Variants in ULK4 observed in about 807,000 individuals in gnomAD.
ULK4 encodes the protein inactive serine/threonine-protein kinase ULK4.
A neutral mutation model predicts 160.6 loss-of-function variants in ULK4; 133 were observed. That is an observed-to-expected ratio of 0.83 (90% CI 0.72 to 0.96). ULK4 has a LOEUF of 0.96. ULK4 is among the 40% of genes least tolerant of loss of function. The pLI, the probability that ULK4 is intolerant of heterozygous loss-of-function variation, is 0.00. For synonymous variants in ULK4, 534 were observed against 539.8 expected (o/e 0.99, Z 0.15); for missense variants, 1,580 against 1,499.5 (o/e 1.05, Z -0.89).
chr3:41,729,044 C>A (rs911750304), intron 22 of ULK4, among the ~76,000 whole-genome samples: 1 of 151,980 alleles, frequency 6.6e-6, no homozygotes, highest in Non-Finnish European at 1.5e-5. Context: ...AAAAAAAGAC[C>A]AAAACAATGA....
At chr3:41,323,915 C>T (rs1310730878) in intron 35 of ULK4, among the ~76,000 whole-genome samples, 4 of 152,066 alleles carry the variant, frequency 2.6e-5, no homozygotes, top group African/African-American at 9.7e-5. Context: ...CAGTTACTTC[C>T]CTGGGTTCAT....
intron 14 of ULK4, among the ~76,000 whole-genome samples, chr3:41,897,613 T>C (rs1698205934): frequency 1.3e-5 from 2 of 152,154 alleles, no homozygotes; most frequent in Admixed American, 6.5e-5. Flanking sequence ...AAATAGTATT[T>C]CCAGGTGATA....
chr3:41,519,272 T>G (rs1037492841), intron 32 of ULK4, among the ~76,000 whole-genome samples: 1 of 152,184 alleles, frequency 6.6e-6, no homozygotes, highest in African/African-American at 2.4e-5. Flanking sequence ...ACCTCCTCTG[T>G]GCCTCACAGG....
chr3:41,938,153 A>C lies in ULK4; in HGVS notation c.183T>G (p.Phe61Leu), dbSNP rs1699839103. ...GGTTGCTTGTTTCATACCATTCATGAAAAGTTACAATATTCTTGTGTTTTA... is the reference window on the plus strand; with the variant it reads ...GGTTGCTTGTTTCATACCATTCATGCAAAGTTACAATATTCTTGTGTTTTA... ...REIKHKNIVT[F>L]HEWYETSNHL... Residue 61 changes from phenylalanine to leucine, a missense_variant, in exon 3 of 37, where the codon TTT (phenylalanine) becomes TTG (leucine). By Grantham distance (22) the Phe-to-Leu change is conservative. Transcript: ENST00000301831. 6.2e-7 allele frequency: 1 copy of C among 1,613,410 alleles called. No homozygotes were observed. Among genetic ancestry groups the C allele is most frequent in the Admixed American group, 1.7e-5 (1 of 59,978 alleles).
chr3:41,776,205 T>G (rs992126463), intron 21 of ULK4, among the ~76,000 whole-genome samples: 2 of 151,052 alleles, frequency 1.3e-5, no homozygotes, highest in Non-Finnish European at 2.9e-5. Context: ...TCAAGCATCT[T>G]TTCCCAAGTT....
At chr3:41,617,963 A>G (rs1465538072) in intron 30 of ULK4, among the ~76,000 whole-genome samples, 2 of 152,198 alleles carry the variant, frequency 1.3e-5, no homozygotes, top group African/African-American at 4.8e-5. Flanking sequence ...TAGCACGAGA[A>G]CTTTGAGAAG....
chr3:41,851,215 G>A (rs889820390), intron 17 of ULK4, among the ~76,000 whole-genome samples: 1 of 152,150 alleles, frequency 6.6e-6, no homozygotes, highest in African/African-American at 2.4e-5. Flanking sequence ...CTGTGGGTTT[G>A]TCATAGATGG....
intron 21 of ULK4, among the ~76,000 whole-genome samples, chr3:41,771,938 C>G (rs1322148568): frequency 6.6e-6 from 1 of 152,088 alleles, no homozygotes; most frequent in Non-Finnish European, 1.5e-5. Context: ...TAGAGAGACA[C>G]AACGGAAGCC....
At chr3:41,683,394 C>G (rs745729838) in intron 27 of ULK4, among the ~76,000 whole-genome samples, 56 of 151,880 alleles carry the variant, frequency 3.7e-4, no homozygotes, top group Admixed American at 1.2e-3. Flanking sequence ...CTGCGATCAC[C>G]AGACATGGGG....
intron 32 of ULK4, among the ~76,000 whole-genome samples, chr3:41,549,652 A>G (rs1270708728): frequency 6.6e-6 from 1 of 152,152 alleles, no homozygotes; most frequent in Non-Finnish European, 1.5e-5. Context: ...AAAATTCCTA[A>G]GTCTTGCAAG....
intron 18 of ULK4, among the ~76,000 whole-genome samples, chr3:41,831,533 T>TATATAAA (rs763838679): frequency 1.6e-5 from 2 of 125,326 alleles, no homozygotes; most frequent in African/African-American, 4.2e-5. Flanking sequence ...ATATATATAT[T>TATATAAA]TTTTTTTCTT....
intron 34 of ULK4, among the ~76,000 whole-genome samples, chr3:41,436,853 A>T (rs2083048185): frequency 2.0e-5 from 3 of 152,150 alleles, no homozygotes; most frequent in African/African-American, 4.8e-5. Flanking sequence ...AGACTAGCAA[A>T]TGCCACAAGT....
chr3:41,784,968 T>C (rs1253258977), intron 21 of ULK4, among the ~76,000 whole-genome samples: 1 of 152,230 alleles, frequency 6.6e-6, no homozygotes, highest in Admixed American at 6.5e-5. Context: ...TAGGTTTTAT[T>C]ATAAGAAAAA....
At chr3:41,346,541 C>T (rs143471379) in intron 35 of ULK4, among the ~76,000 whole-genome samples, 2 of 152,056 alleles carry the variant, frequency 1.3e-5, no homozygotes, top group South Asian at 2.1e-4. Context: ...TAAGTCAGAC[C>T]GAGGCAGGTA....
At position 41,373,173 on chromosome 3, in the gene ULK4, G is replaced by C. The variant is rs117020675; in HGVS notation, c.3678+24906C>G. On this transcript the variant is annotated intron_variant, in intron 35 of 36. Transcript: ENST00000301831. ...AGAGACCTACAAAGAGACTTAGACTGCCACACAATAATAGTGTGGGAGTGA... is the reference window on the plus strand; with the variant it reads ...AGAGACCTACAAAGAGACTTAGACTCCCACACAATAATAGTGTGGGAGTGA... Among the ~76,000 whole-genome samples the C allele has an allele frequency of 2.9e-3, 444 of 152,214 alleles. 2 individuals are homozygous for C. The highest frequency in any genetic ancestry group is 0.015 in the East Asian group (78 of 5,186).
At chr3:41,312,472 A>C (rs2080069367) in intron 35 of ULK4, among the ~76,000 whole-genome samples, 1 of 152,182 alleles carries the variant, frequency 6.6e-6, no homozygotes, top group Non-Finnish European at 1.5e-5. Flanking sequence ...GAAAAAAATG[A>C]GAACTAAGTC....
intron 25 of ULK4, among the ~76,000 whole-genome samples, chr3:41,714,152 C>A (rs1575598104): frequency 6.6e-6 from 1 of 152,082 alleles, no homozygotes; most frequent in East Asian, 1.9e-4. Flanking sequence ...TCATAATTTG[C>A]AAATTCATAA....
chr3:41,255,935 G>A (rs985485682), intron 35 of ULK4, among the ~76,000 whole-genome samples: 6 of 152,104 alleles, frequency 3.9e-5, no homozygotes, highest in South Asian at 2.1e-4. Context: ...AGTGCATATG[G>A]AAAATTTCCA....
At chr3:41,399,819 T>C (rs1351115344) in intron 34 of ULK4, among the ~76,000 whole-genome samples, 1 of 152,062 alleles carries the variant, frequency 6.6e-6, no homozygotes, top group Non-Finnish European at 1.5e-5. Flanking sequence ...CCACAGCTAG[T>C]CTTGAACTCC....
Sources: gnomAD v4.1 joint callset for allele counts (sites outside exome capture counted in the v4.1 genomes callset) on GRCh38, gnomAD v4.1.1 for gene constraint, MANE v1.5 for transcripts, NCBI Gene and HGNC (gene_info 2026-07-23, HGNC 2026-07-21) for gene names.